IAH1: variants seen among roughly 807,000 people sequenced by gnomAD.
IAH1 encodes the protein isoamyl acetate-hydrolyzing esterase 1 homolog.
Under a neutral mutation model 26.7 loss-of-function variants are expected in IAH1, and 24 were observed. That is an observed-to-expected ratio of 0.90 (90% confidence interval 0.65 to 1.26). IAH1 has a LOEUF of 1.26. IAH1 is among the 50% of genes most tolerant of loss of function. IAH1 has a pLI of 0.00. For missense variants in IAH1, 300 were observed against 299.9 expected, an observed-to-expected ratio of 1.00 and a Z score of 0.00; for synonymous variants, 140 against 118.5, an observed-to-expected ratio of 1.18 and a Z score of -1.18.
intron 5 of IAH1, among the ~76,000 whole-genome samples, chr2:9,487,788 T>TGTGTGTGTGTGTGTGTGTGTGTGTGTG (rs1661620141): frequency 7.5e-6 from 1 of 133,966 alleles, no homozygotes; most frequent in African/African-American, 2.9e-5. Context: ...CCCGGCCTTT[T>TGTGTGTGTGTGTGTGTGTGTGTGTGTG]TGTGTGTGTG....
the IAH1 span, among the ~76,000 whole-genome samples, chr2:9,510,322 C>T: frequency 6.6e-6 from 1 of 152,050 alleles, no homozygotes; most frequent in Non-Finnish European, 1.5e-5. Context: ...AGTTTGAGGC[C>T]AGCCTGGGTA....
chr2:9,482,458 C>A (rs1298898105), intron 4 of IAH1, among the ~76,000 whole-genome samples: 1 of 152,170 alleles, frequency 6.6e-6, no homozygotes, highest in Non-Finnish European at 1.5e-5. Context: ...ATTTCTGGAC[C>A]CATTTTCAGC....
At chr2:9,509,842 G>T in the IAH1 span, 1 of 1,137,840 alleles carries the variant, frequency 8.8e-7, no homozygotes, top group Non-Finnish European at 1.2e-6. Context: ...ACACAACCAC[G>T]TTTCAAGGTA....
intron 3 of IAH1, among the ~76,000 whole-genome samples, chr2:9,480,147 G>A (rs1490951405): frequency 1.3e-5 from 2 of 152,046 alleles, no homozygotes; most frequent in Non-Finnish European, 2.9e-5. Context: ...ATTACAAGCT[G>A]TACAGTACGG....
chr2:9,499,236 G>A (rs952728592), downstream of IAH1, among the ~76,000 whole-genome samples: 4 of 150,952 alleles, frequency 2.6e-5, no homozygotes, highest in East Asian at 7.8e-4. Flanking sequence ...GGGAACAAAA[G>A]GCTGTTTGAT....
chr2:9,490,182 ACT>A (rs781314197), downstream of IAH1: 69 of 1,591,080 alleles, frequency 4.3e-5, no homozygotes, highest in East Asian at 6.8e-5. Flanking sequence ...CTAAATTAGC[ACT>A]CTGTTTCTTT....
At position 9,474,624 on chromosome 2, in the gene IAH1, C is replaced by T. The variant is rs765667385; in HGVS notation, c.58C>T (p.Leu20Phe). ...TGCCCTGCTCTGGCCTCGCTTGTTG[C>T]TCTTCGGGGACTCCATCACCCAGGT... is the stretch of plus-strand genomic sequence containing the variant. ...GSALLWPRLL[L>F]FGDSITQFSF... The change falls in exon 1 of 6, where the codon CTC (leucine) becomes TTC (phenylalanine). Residue 20 changes from leucine (L) to phenylalanine (F), a missense_variant. Leu to Phe is a conservative substitution (Grantham distance 22). Coordinates refer to ENST00000497473, the MANE Select transcript of IAH1 (RefSeq NM_001039613.3). The surrounding 1 kb of genome is among the most constrained non-coding windows in gnomAD (Gnocchi z 4.3). 2.6e-6 allele frequency: 4 copies of T among 1,553,236 alleles called. No homozygotes were observed. In the African/African-American group the frequency reaches 4.3e-5, roughly 17 times the overall value.
the IAH1 span, among the ~76,000 whole-genome samples, chr2:9,503,409 G>C: frequency 2.6e-5 from 4 of 152,106 alleles, no homozygotes; most frequent in South Asian, 4.1e-4. Flanking sequence ...CACTATTCCA[G>C]TATATAGAAT....
chr2:9,507,055 G>A, the IAH1 span: 1 of 152,210 alleles, frequency 6.6e-6, no homozygotes, highest in African/African-American at 2.4e-5. Flanking sequence ...TGTCCACAGA[G>A]AAGTCCACCT....
intron 5 of IAH1, among the ~76,000 whole-genome samples, chr2:9,487,833 TGC>T (rs138868847): frequency 0.07 from 5,735 of 82,128 alleles, 129 homozygotes; most frequent in Middle Eastern, 0.093. Flanking sequence ...TGTGTGTGTG[TGC>T]GCGCGCGCGC....
chr2:9,478,918 G>C (rs1038591457), intron 3 of IAH1, among the ~76,000 whole-genome samples: 1 of 152,156 alleles, frequency 6.6e-6, no homozygotes, highest in African/African-American at 2.4e-5. Context: ...AAAGCCTTCT[G>C]CGTGCTATCG....
At chr2:9,478,629 A>G (rs1362677865) in intron 3 of IAH1, among the ~76,000 whole-genome samples, 1 of 152,150 alleles carries the variant, frequency 6.6e-6, no homozygotes, top group African/African-American at 2.4e-5. Flanking sequence ...GTGCTATGCT[A>G]AGTTTGTAAT....
chr2:9,505,324 A>T, the IAH1 span: 1 of 1,614,156 alleles, frequency 6.2e-7, no homozygotes, highest in Non-Finnish European at 8.5e-7. Flanking sequence ...CCTTACTTTC[A>T]ATGGTCTTAT....
chr2:9,485,971 A>G (rs990538707), intron 5 of IAH1: 2 of 152,222 alleles, frequency 1.3e-5, no homozygotes, highest in African/African-American at 4.8e-5. Flanking sequence ...GGGAAGACTC[A>G]CAGCCTCACC....
chr2:9,490,561 G>C, downstream of IAH1: 1 of 1,544,288 alleles, frequency 6.5e-7, no homozygotes, highest in South Asian at 1.2e-5. Flanking sequence ...AATAAAAGAT[G>C]AATCGGAGGT....
intron 5 of IAH1, among the ~76,000 whole-genome samples, chr2:9,487,831 T>TGC (rs1228516853): frequency 2.6e-3 from 209 of 80,208 alleles, no homozygotes; most frequent in Admixed American, 5.5e-3. Context: ...TGTGTGTGTG[T>TGC]GTGCGCGCGC....
chr2:9,510,170 C>T, the IAH1 span: 2 of 1,608,778 alleles, frequency 1.2e-6, no homozygotes, highest in Non-Finnish European at 8.5e-7. Flanking sequence ...TTCTCAATAT[C>T]CAGCCATCAC....
At chr2:9,474,538 G>A, upstream of IAH1, 4 of 1,293,724 alleles carry the variant, frequency 3.1e-6, no homozygotes, top group Non-Finnish European at 3.1e-6. The surrounding 1 kb of genome is among the most constrained non-coding windows in gnomAD (Gnocchi z 4.3). Flanking sequence ...CGTGGCTGGC[G>A]GCCCCGCCCC....
At chr2:9,502,251 T>G in the IAH1 span, 3 of 1,613,900 alleles carry the variant, frequency 1.9e-6, no homozygotes, top group African/African-American at 2.7e-5. Context: ...AACTGACAGT[T>G]TTTACAGCAA....
Sources: gnomAD v4.1 joint callset for allele counts (sites outside exome capture counted in the v4.1 genomes callset) on GRCh38, gnomAD v4.1.1 for gene constraint, Gnocchi (gnomAD v3.1) non-coding constraint, MANE v1.5 for transcripts, NCBI Gene and HGNC (gene_info 2026-07-23, HGNC 2026-07-21) for gene names.